The following KCND3 variants were observed in gnomAD, a reference collection of about 807,000 sequenced individuals.
The protein encoded by KCND3 is A-type voltage-gated potassium channel KCND3.
A neutral mutation model predicts 51.1 loss-of-function variants in KCND3; 9 were observed. That is an observed-to-expected ratio of 0.18 (90% CI 0.11 to 0.31). The LOEUF (loss-of-function observed/expected upper bound fraction) is 0.31. Among genes scored for constraint, KCND3 ranks in the 10% least tolerant of loss-of-function variants. The pLI is 1.00. For synonymous variants in KCND3, 349 were observed against 368.0 expected, an observed-to-expected ratio of 0.95 and a Z score of 0.59; for missense variants, 526 against 903.8, an observed-to-expected ratio of 0.58 and a Z score of 5.36.
In KCND3 at chr1:111,770,668, G is replaced by A. The variant is rs1474283977; in HGVS notation, c.*5409C>T. The A allele has an allele frequency of 6.6e-6, 1 of 152,152 alleles. No individual in the cohort carries two copies. Among genetic ancestry groups the A allele is most frequent in the African/African-American group, 2.4e-5 (1 of 41,432 alleles). 9.4% of individuals were successfully genotyped at this position (152,152 alleles called of 1,614,324 possible). On this transcript the variant is annotated 3_prime_UTR_variant, in exon 8 of 8. Transcript: ENST00000302127. ...GTATTCAAAGAAACAGTCATTTTAGGGTTTGTGGCACATAATTTGTTTAAT... is the reference window on the plus strand; with the variant it reads ...GTATTCAAAGAAACAGTCATTTTAGAGTTTGTGGCACATAATTTGTTTAAT...
intron 2 of KCND3, among the ~76,000 whole-genome samples, chr1:111,794,668 G>A (rs1386731887): frequency 2.6e-5 from 4 of 152,172 alleles, no homozygotes; most frequent in Non-Finnish European, 5.9e-5. Flanking sequence ...GTGTTCCAGG[G>A]ACTCAGACCT....
chr1:111,828,535 T>C (rs1571703517), intron 2 of KCND3, among the ~76,000 whole-genome samples: 1 of 152,290 alleles, frequency 6.6e-6, no homozygotes, highest in East Asian at 1.9e-4. Flanking sequence ...GACAAACCCT[T>C]CTGGCTGGAA....
chr1:111,789,036 T>C (rs1437309263), intron 2 of KCND3, among the ~76,000 whole-genome samples: 1 of 152,182 alleles, frequency 6.6e-6, no homozygotes, highest in African/African-American at 2.4e-5. Context: ...CTGAGATATA[T>C]CACCTTAGCT....
At chr1:111,972,204 G>A (rs1490918258) in intron 2 of KCND3, among the ~76,000 whole-genome samples, 2 of 117,640 alleles carry the variant, frequency 1.7e-5, no homozygotes, top group Non-Finnish European at 3.2e-5. Flanking sequence ...ACGGAGTCTC[G>A]CTCTGTTGCC....
At chr1:111,948,147 G>A (rs1216843264) in intron 2 of KCND3, among the ~76,000 whole-genome samples, 3 of 152,352 alleles carry the variant, frequency 2.0e-5, no homozygotes, top group South Asian at 2.1e-4. Flanking sequence ...CATGCCCACA[G>A]GGCAAATGGG....
chr1:111,883,073 C>T (rs1571792194), intron 2 of KCND3, among the ~76,000 whole-genome samples: 1 of 152,206 alleles, frequency 6.6e-6, no homozygotes, highest in South Asian at 2.1e-4. Context: ...ATAATGGCTT[C>T]CCATTGCCCA....
At chr1:111,951,094 TGA>T (rs1012219342) in intron 2 of KCND3, among the ~76,000 whole-genome samples, 1 of 137,436 alleles carries the variant, frequency 7.3e-6, no homozygotes, top group Non-Finnish European at 1.5e-5. Flanking sequence ...CGCTTGAATC[TGA>T]GAGATGGAGG....
At chr1:111,793,803 A>G (rs866742239) in intron 2 of KCND3, among the ~76,000 whole-genome samples, 12 of 152,314 alleles carry the variant, frequency 7.9e-5, no homozygotes, top group African/African-American at 2.6e-4. Flanking sequence ...AGAAAGGGTA[A>G]GAAAAGAAAA....
chr1:111,911,531 A>G (rs1388132030), intron 2 of KCND3, among the ~76,000 whole-genome samples: 1 of 152,210 alleles, frequency 6.6e-6, no homozygotes, highest in Non-Finnish European at 1.5e-5. Flanking sequence ...TGAGTACCAA[A>G]TCCATGTACC....
At chr1:111,974,431 G>A (rs1674520902) in intron 2 of KCND3, among the ~76,000 whole-genome samples, 1 of 152,072 alleles carries the variant, frequency 6.6e-6, no homozygotes, top group African/African-American at 2.4e-5. Context: ...TGAGTATTTG[G>A]TAGAGTATCA....
At chr1:111,882,718 T>A (rs1669390122) in intron 2 of KCND3, among the ~76,000 whole-genome samples, 1 of 152,102 alleles carries the variant, frequency 6.6e-6, no homozygotes, top group African/African-American at 2.4e-5. Flanking sequence ...ATTTTAAACC[T>A]GTATTAATCA....
intron 2 of KCND3, among the ~76,000 whole-genome samples, chr1:111,858,132 G>A (rs1183557655): frequency 6.6e-6 from 1 of 152,176 alleles, no homozygotes; most frequent in African/African-American, 2.4e-5. Context: ...TGAACTGAGA[G>A]TCACGTAGGC....
At chr1:111,917,822 T>C (rs1671294794) in intron 2 of KCND3, among the ~76,000 whole-genome samples, 1 of 152,216 alleles carries the variant, frequency 6.6e-6, no homozygotes. Context: ...CACTACACCA[T>C]TCTTCCTTTC....
At chr1:111,897,438 C>T (rs1039675783) in intron 2 of KCND3, among the ~76,000 whole-genome samples, 3 of 152,234 alleles carry the variant, frequency 2.0e-5, no homozygotes, top group East Asian at 1.9e-4. Flanking sequence ...TCCTCCTTGC[C>T]GCCTCCGGAG....
At chr1:111,833,523 A>G (rs909256970) in intron 2 of KCND3, among the ~76,000 whole-genome samples, 3 of 152,260 alleles carry the variant, frequency 2.0e-5, no homozygotes, top group Non-Finnish European at 4.4e-5. Context: ...AATCATGCTC[A>G]AAATAAGAAA....
chr1:111,797,228 T>C (rs1665093974), intron 2 of KCND3, among the ~76,000 whole-genome samples: 1 of 152,190 alleles, frequency 6.6e-6, no homozygotes, highest in Non-Finnish European at 1.5e-5. Flanking sequence ...CCTCTTTCCA[T>C]AGGTCACAGA....
chr1:111,845,037 G>A (rs191288616), intron 2 of KCND3, among the ~76,000 whole-genome samples: 2 of 152,148 alleles, frequency 1.3e-5, no homozygotes, highest in African/African-American at 4.8e-5. Flanking sequence ...TGCAGTCCAC[G>A]TGCATTCTCT....
At chr1:111,905,526 C>T (rs755533974) in intron 2 of KCND3, among the ~76,000 whole-genome samples, 13 of 152,078 alleles carry the variant, frequency 8.5e-5, no homozygotes, top group Non-Finnish European at 1.9e-4. Flanking sequence ...CTGGACCATG[C>T]GTCTGCAGCA....
chr1:111,797,646 T>G (rs562614728), intron 2 of KCND3, among the ~76,000 whole-genome samples: 2 of 151,090 alleles, frequency 1.3e-5, no homozygotes, highest in Non-Finnish European at 3.0e-5. Context: ...GGCCTCTAAA[T>G]CAAACTGGAG....
Sources: gnomAD v4.1 joint callset for allele counts (sites outside exome capture counted in the v4.1 genomes callset) on GRCh38, gnomAD v4.1.1 for gene constraint, MANE v1.5 for transcripts, NCBI Gene and HGNC (gene_info 2026-07-23, HGNC 2026-07-21) for gene names.